ZSWIM5: variants seen among roughly 807,000 people sequenced by gnomAD.
ZSWIM5 encodes the protein zinc finger SWIM domain-containing protein 5.
A neutral mutation model predicts 119.6 loss-of-function variants in ZSWIM5; 55 were observed. That is an observed-to-expected ratio of 0.46 (90% CI 0.37 to 0.58). The LOEUF is 0.58. Among genes scored for constraint, ZSWIM5 ranks in the 20% least tolerant of loss-of-function variants. The probability of loss-of-function intolerance (pLI) is 0.00; values close to 1 mark genes in which losing one functional copy is unlikely to be tolerated. For missense variants in ZSWIM5, 1,193 were observed against 1,512.8 expected (o/e 0.79, Z 3.51); for synonymous variants, 537 against 606.9 (o/e 0.88, Z 1.69).
At chr1:45,039,177 C>A in intron 7 of ZSWIM5, 104 bp from the exon 8 acceptor site, 155 of 1,325,246 alleles carry the variant, frequency 1.2e-4, no homozygotes, top group Middle Eastern at 1.9e-4. Flanking sequence ...CCCTGAGAGT[C>A]AAATAAAAGC....
intron 1 of ZSWIM5, among the ~76,000 whole-genome samples, chr1:45,196,446 A>C (rs1646126413): frequency 4.0e-5 from 5 of 124,358 alleles, no homozygotes; most frequent in Admixed American, 1.0e-4. Flanking sequence ...GCTGGAGTGC[A>C]GTGGCACGAT....
At chr1:45,105,437 G>A (rs1249541635) in intron 1 of ZSWIM5, among the ~76,000 whole-genome samples, 4 of 147,858 alleles carry the variant, frequency 2.7e-5, no homozygotes, top group Non-Finnish European at 6.1e-5. Flanking sequence ...GTGTGCCTCT[G>A]CCCGGCCGCC....
intron 1 of ZSWIM5, among the ~76,000 whole-genome samples, chr1:45,115,211 A>AC (rs1645544833): frequency 2.0e-5 from 3 of 151,602 alleles, no homozygotes; most frequent in African/African-American, 7.3e-5. Flanking sequence ...CACTTCCCAG[A>AC]TGGGGCAGCC....
In ZSWIM5 at chr1:45,035,759, G is replaced by C; in HGVS notation, c.2220C>G (p.Ala740=). 6.2e-7 allele frequency: 1 copy of C among 1,613,846 alleles called. No homozygotes were observed. Among genetic ancestry groups the C allele is most frequent in the African/African-American group, 1.3e-5 (1 of 74,962 alleles). ...HRESVPMHTF[A]KYLFSALLPH... Reference sequence around the variant, plus strand: ...GCAGCAGAGCTGAGAACAAATACTTGGCAAAGGTATGCATGGGAACACTCT... The same window carrying C: ...GCAGCAGAGCTGAGAACAAATACTTCGCAAAGGTATGCATGGGAACACTCT... The change falls in exon 10 of 14, where the codon GCC becomes GCG. Residue 740 remains alanine, a synonymous_variant. Transcript: ENST00000359600.
chr1:45,085,755 G>C (rs945112442), intron 2 of ZSWIM5, among the ~76,000 whole-genome samples: 1 of 152,030 alleles, frequency 6.6e-6, no homozygotes, highest in African/African-American at 2.4e-5. Context: ...TCTCAGCCTG[G>C]ACTTCATTGT....
At chr1:45,163,349 T>C (rs536643341) in intron 1 of ZSWIM5, among the ~76,000 whole-genome samples, 1 of 152,234 alleles carries the variant, frequency 6.6e-6, no homozygotes, top group African/African-American at 2.4e-5. Flanking sequence ...CAAAGGTAGA[T>C]AAAACCACAA....
intron 1 of ZSWIM5, among the ~76,000 whole-genome samples, chr1:45,150,886 C>T (rs1645793188): frequency 6.6e-6 from 1 of 152,132 alleles, no homozygotes; most frequent in African/African-American, 2.4e-5. Flanking sequence ...GATAACATCA[C>T]CTAAACTTCC....
rs192506752 is a variant in ZSWIM5, at chr1:45,186,637, G to A, written c.595+19119C>T. Among the ~76,000 whole-genome samples the A allele has an allele frequency of 3.3e-3, 508 of 151,930 alleles. 2 individuals carry two copies. The highest frequency in any genetic ancestry group is 0.012 in the African/African-American group (477 of 41,418). On this transcript the variant is annotated intron_variant, in intron 1 of 13. Coordinates refer to ENST00000359600, the MANE Select transcript of ZSWIM5 (RefSeq NM_020883.2). ...TATTTATTTTTTGAGACAGTGTCTC[G>A]CTCTGTCACCGAGGCTAGAGTGCAG...
intron 2 of ZSWIM5, among the ~76,000 whole-genome samples, chr1:45,085,824 A>G (rs1645326109): frequency 6.6e-6 from 1 of 152,100 alleles, no homozygotes; most frequent in East Asian, 1.9e-4. Context: ...GAAGCTCCAA[A>G]CTTTCCTTCA....
chr1:45,088,824 G>GA lies in ZSWIM5; in HGVS notation c.596-588dup, dbSNP rs1645346858. ...CATGAAAGGCACAGCTAGGTGCAAT[G>GA]AAACTATGTAGTGTTACACCTCTAC... On this transcript the variant is annotated intron_variant, in intron 1 of 13. Transcript: ENST00000359600. This position sits in a 1 kb window ranked among gnomAD's most constrained non-coding sequence, Gnocchi z 4.2. Among the ~76,000 whole-genome samples the GA allele has an allele frequency of 6.6e-6, 1 of 152,228 alleles. No homozygotes were observed. Among genetic ancestry groups the GA allele is most frequent in the Non-Finnish European group, 1.5e-5 (1 of 68,014 alleles).
chr1:45,205,017 T>C lies in ZSWIM5; in HGVS notation c.595+739A>G, dbSNP rs74070901. 6.7e-3 allele frequency among the ~76,000 whole-genome samples: 1,015 copies of C among 152,124 alleles called. 9 individuals are homozygous for C. The highest frequency in any genetic ancestry group is 0.022 in the African/African-American group (906 of 41,498). On this transcript the variant is annotated intron_variant, in intron 1 of 13. Transcript: ENST00000359600. ...TCCATAACAAAAAGATAAAAGCAAA[T>C]AGGACTTGTTAAATGAGAAGCTTTT...
chr1:45,143,037 T>C (rs1570145591), intron 1 of ZSWIM5, among the ~76,000 whole-genome samples: 1 of 149,242 alleles, frequency 6.7e-6, no homozygotes, highest in African/African-American at 2.5e-5. Flanking sequence ...TAGCTGGGTG[T>C]GGTGCATGCC....
rs1645807127 is a variant in ZSWIM5, at chr1:45,153,104, A to AAAAAAAG, written c.595+52645_595+52651dup. ...TACTATTAAAAAGTTAAAAAAAAAA[A>AAAAAAAG]AAAAAAGAAAAAAGAAAAAACAGAT... On this transcript the variant is annotated intron_variant, in intron 1 of 13. Transcript: ENST00000359600. Among the ~76,000 whole-genome samples the AAAAAAAG allele has an allele frequency of 6.0e-5, 9 of 150,362 alleles. No individual in the cohort carries two copies. In the South Asian group the frequency reaches 1.9e-3, roughly 31 times the overall value.
chr1:45,062,404 T>C (rs6698681), intron 2 of ZSWIM5, among the ~76,000 whole-genome samples: 2 of 152,112 alleles, frequency 1.3e-5, no homozygotes, highest in African/African-American at 4.8e-5. Context: ...GGCTCACATA[T>C]TCACTCATTC....
intron 9 of ZSWIM5, 76 bp from the exon 10 acceptor site, chr1:45,035,899 C>T: frequency 1.3e-6 from 2 of 1,587,990 alleles, no homozygotes; most frequent in Non-Finnish European, 1.7e-6. Flanking sequence ...CCCAGTATCT[C>T]ATGCATGTTT....
chr1:45,179,572 T>A (rs1289128552), intron 1 of ZSWIM5, among the ~76,000 whole-genome samples: 1 of 152,158 alleles, frequency 6.6e-6, no homozygotes, highest in African/African-American at 2.4e-5. Flanking sequence ...GTAGCAAACC[T>A]GCACATGTGC....
intron 6 of ZSWIM5, among the ~76,000 whole-genome samples, chr1:45,040,834 A>C (rs1256695314): frequency 6.6e-6 from 1 of 152,224 alleles, no homozygotes; most frequent in Non-Finnish European, 1.5e-5. Flanking sequence ...ATGGGAAACC[A>C]ATGGAGGTAG....
chr1:45,058,675 G>C lies in ZSWIM5; in HGVS notation c.1186C>G (p.Leu396Val), dbSNP rs780369321. The C allele has an allele frequency of 6.2e-7, 1 of 1,614,244 alleles. No homozygotes were observed. Among genetic ancestry groups the C allele is most frequent in the Admixed American group, 1.7e-5 (1 of 60,032 alleles). The change falls in exon 4 of 14, where the codon CTC (leucine) becomes GTC (valine). Residue 396 changes from leucine (L) to valine (V), a missense_variant. By Grantham distance (32) the Leu-to-Val change is conservative (BLOSUM62 1). Coordinates refer to ENST00000359600, the MANE Select transcript of ZSWIM5 (RefSeq NM_020883.2). Reference protein sequence around the residue: ...ITEQFVADPRLTLWRQQGTNM... With the variant: ...ITEQFVADPRVTLWRQQGTNM... ...GTTCCTTGCTGCCTCCAGAGTGTGA[G>C]TCGTGGGTCAGCCACAAACTGCTCA...
At chr1:45,086,914 T>C (rs183023698) in intron 2 of ZSWIM5, among the ~76,000 whole-genome samples, 2,843 of 149,910 alleles carry the variant, frequency 0.019, 103 homozygotes, top group African/African-American at 0.067. Flanking sequence ...GATGGAATCT[T>C]GCTCTGTCAC....
Sources: gnomAD v4.1 joint callset for allele counts (sites outside exome capture counted in the v4.1 genomes callset) on GRCh38, gnomAD v4.1.1 for gene constraint, Gnocchi (gnomAD v3.1) non-coding constraint, MANE v1.5 for transcripts, NCBI Gene and HGNC (gene_info 2026-07-23, HGNC 2026-07-21) for gene names.